Variants in DNAJB4 observed in about 807,000 individuals in gnomAD.
The protein encoded by DNAJB4 is dnaJ homolog subfamily B member 4.
In DNAJB4, 10 loss-of-function variants were observed where a neutral mutation model predicts 26.6. The ratio of observed to expected loss-of-function variants is 0.38; its 90% CI spans 0.23 to 0.64. The LOEUF (loss-of-function observed/expected upper bound fraction) is 0.64, where lower values mean the gene tolerates loss of function less well. Among genes scored for constraint, DNAJB4 ranks in the 30% least tolerant of loss-of-function variants. DNAJB4 has a pLI of 0.58. For synonymous variants in DNAJB4, 136 were observed against 134.8 expected (o/e 1.01, Z -0.06); for missense variants, 328 against 408.2 (o/e 0.80, Z 1.69).
chr1:77,994,801 G>A (rs570514972), intron 1 of DNAJB4, among the ~76,000 whole-genome samples: 1 of 152,166 alleles, frequency 6.6e-6, no homozygotes, highest in East Asian at 1.9e-4. Context: ...TACCTTAAGT[G>A]TAAAGTATTA....
At chr1:78,010,394 T>A (rs1457628475) in intron 1 of DNAJB4, among the ~76,000 whole-genome samples, 1 of 152,006 alleles carries the variant, frequency 6.6e-6, no homozygotes, top group Admixed American at 6.6e-5. Context: ...AAAAAAAAAA[T>A]CTGCCATTAC....
upstream of DNAJB4, chr1:78,004,319 T>G (rs905558152): frequency 6.6e-5 from 10 of 152,250 alleles, no homozygotes; most frequent in African/African-American, 2.4e-4. Flanking sequence ...TAGAAATAAC[T>G]AGTTAGCTAA....
In DNAJB4 at chr1:78,016,022, T is replaced by A. The variant is rs1660632367; in HGVS notation, c.789T>A (p.Cys263Ter). Residue 263 changes from cysteine (C) to a stop codon, truncating the protein, a stop_gained, in exon 3 of 3, where the codon TGT becomes TGA. Transcript: ENST00000370763. LOFTEE classifies it high-confidence loss of function. ...TAKISLREAL[C>*]GCSINVPTLD... The stretch of plus-strand genomic sequence containing the variant: ...TATTTGGTCCATTTTAGGCATTGTG[T>A]GGCTGCTCAATTAATGTACCAACAC... 6.2e-7 allele frequency: 1 copy of A among 1,613,640 alleles called. No individual in the cohort carries two copies. Among genetic ancestry groups the A allele is most frequent in the Non-Finnish European group, 8.5e-7 (1 of 1,179,822 alleles).
rs1167032166 is a variant in DNAJB4 at position 78,017,709 on chromosome 1, A to T, written c.*1462A>T. 1 of 151,398 alleles carries T rather than the reference A, an allele frequency of 6.6e-6. No individual in the cohort carries two copies. The highest frequency in any genetic ancestry group is 1.5e-5 in the Non-Finnish European group (1 of 67,938). 9.4% of individuals were successfully genotyped at this position (151,398 alleles called of 1,614,324 possible). On this transcript the variant is annotated 3_prime_UTR_variant, in exon 3 of 3. Transcript: ENST00000370763. Reference sequence around the variant, plus strand: ...CTGAAAACACTACCATCTACTTTTCATCTGTATGGATTTGTCTGTTCTGGA... The same window carrying T: ...CTGAAAACACTACCATCTACTTTTCTTCTGTATGGATTTGTCTGTTCTGGA...
chr1:78,011,587 C>T (rs574600933), intron 1 of DNAJB4, among the ~76,000 whole-genome samples: 55 of 151,192 alleles, frequency 3.6e-4, no homozygotes, highest in African/African-American at 1.2e-3. Context: ...CAGGTTCAAG[C>T]GATTCTCCTG....
Position 78,005,183 on chromosome 1 carries a change from C to T in DNAJB4, c.73C>T (p.Arg25Ter), listed in dbSNP as rs1171811732. The T allele has an allele frequency of 3.7e-6, 6 of 1,613,998 alleles. No homozygotes were observed. The highest frequency in any genetic ancestry group is 5.1e-6 in the Non-Finnish European group (6 of 1,179,974). ...AGATGAAGATATTAAAAAGGCTTAC[C>T]GAAAACAAGCCCTCAAATTTCATCC... ...ASDEDIKKAYRKQALKFHPDK... is the reference protein window; with the variant it reads ...ASDEDIKKAY Residue 25 changes from arginine to a stop codon, truncating the protein, a stop_gained, in exon 1 of 3, where the codon CGA (arginine) becomes TGA (stop). Coordinates refer to ENST00000370763, the MANE Select transcript of DNAJB4 (RefSeq NM_007034.5). LOFTEE classifies it high-confidence loss of function.
In DNAJB4 at chr1:78,016,265, C is replaced by T; in HGVS notation, c.*18C>T. 1 of 1,597,478 alleles carries T rather than the reference C, an allele frequency of 6.3e-7. No homozygotes were observed. Among genetic ancestry groups the T allele is most frequent in the South Asian group, 1.1e-5 (1 of 89,898 alleles). ...CCTCATAGAATGAAGAACTTTGTTA[C>T]ACATATTTTGATAAGGCACTGAAAA... On this transcript the variant is annotated 3_prime_UTR_variant, in exon 3 of 3. Coordinates refer to ENST00000370763, the MANE Select transcript of DNAJB4 (RefSeq NM_007034.5).
Position 78,016,723 on chromosome 1 carries a change from G to A in DNAJB4, c.*476G>A, listed in dbSNP as rs1035291163. ...AATCACCTTCTGAAATGCTGCTATA[G>A]GGCTGGTATCTGTAAAAGAATATCC... On this transcript the variant is annotated 3_prime_UTR_variant, in exon 3 of 3. Coordinates refer to ENST00000370763, the MANE Select transcript of DNAJB4 (RefSeq NM_007034.5). The A allele has an allele frequency of 1.3e-5, 2 of 154,764 alleles. No individual in the cohort carries two copies. Among genetic ancestry groups the A allele is most frequent in the African/African-American group, 4.8e-5 (2 of 41,450 alleles). 9.6% of individuals were successfully genotyped at this position (154,764 alleles called of 1,614,324 possible). A position where few individuals can be genotyped will look rare whatever the true frequency, so the allele number is the denominator to read the frequency against.
chr1:78,014,271 C>A (rs1660575655), intron 2 of DNAJB4, among the ~76,000 whole-genome samples: 1 of 151,964 alleles, frequency 6.6e-6, no homozygotes, highest in Non-Finnish European at 1.5e-5. Flanking sequence ...CCACACCTGG[C>A]TAATTTTTGT....
At chr1:78,007,513 A>G (rs972725902) in intron 1 of DNAJB4, among the ~76,000 whole-genome samples, 1 of 152,156 alleles carries the variant, frequency 6.6e-6, no homozygotes, top group Admixed American at 6.5e-5. Flanking sequence ...CCCAAGAGGC[A>G]GAGGTTGCAG....
At chr1:77,999,431 T>TG (rs1660139861) in intron 1 of DNAJB4, among the ~76,000 whole-genome samples, 1 of 82,272 alleles carries the variant, frequency 1.2e-5, no homozygotes, top group Admixed American at 1.4e-4. Flanking sequence ...ATAGAACAGG[T>TG]TTTTTTTTTT....
Position 77,991,717 on chromosome 1 carries a change from C to CT in DNAJB4, c.-32+11404dup, listed in dbSNP as rs943958083. On this transcript the variant is annotated intron_variant, in intron 1 of 2. Transcript: ENST00000426517. ...AGTGCCACATTTTTGTATTTTTGTG[C>CT]TTTTTTTTTATTGGTGACTTTACTA... is the stretch of plus-strand genomic sequence containing the variant. Among the ~76,000 whole-genome samples, 116 of 151,288 alleles carry CT rather than the reference C, an allele frequency of 7.7e-4. 1 individual carries two copies. Among genetic ancestry groups the CT allele is most frequent in the South Asian group, 1.3e-3 (6 of 4,778 alleles).
intron 1 of DNAJB4, among the ~76,000 whole-genome samples, chr1:78,008,890 G>A (rs1302118390): frequency 2.6e-5 from 4 of 152,070 alleles, no homozygotes; most frequent in African/African-American, 9.7e-5. Context: ...AAAAATTTGT[G>A]TTAAGAGATT....
At chr1:77,988,977 T>C (rs1216406641) in intron 1 of DNAJB4, among the ~76,000 whole-genome samples, 2 of 152,198 alleles carry the variant, frequency 1.3e-5, no homozygotes, top group Non-Finnish European at 2.9e-5. Flanking sequence ...AGTAATTGTT[T>C]GTTTCTGATC....
chr1:78,007,154 C>A (rs1348030800), intron 1 of DNAJB4, among the ~76,000 whole-genome samples: 1 of 151,352 alleles, frequency 6.6e-6, no homozygotes, highest in Non-Finnish European at 1.5e-5. Context: ...AATCTGTATA[C>A]CCTGGGTTTT....
intron 1 of DNAJB4, among the ~76,000 whole-genome samples, chr1:77,982,895 A>G (rs372039142): frequency 1.3e-5 from 2 of 152,254 alleles, no homozygotes; most frequent in Non-Finnish European, 2.9e-5. Flanking sequence ...TCCTGGGTTA[A>G]TGTAGGGGTG....
At chr1:77,990,628 T>C (rs916997726) in intron 1 of DNAJB4, among the ~76,000 whole-genome samples, 3 of 152,248 alleles carry the variant, frequency 2.0e-5, no homozygotes, top group Admixed American at 6.5e-5. Context: ...ATGTTCACAG[T>C]AGAACTTGTC....
rs1412609818 is a variant in DNAJB4, at chr1:78,016,271, T to C, written c.*24T>C. 8 of 1,587,690 alleles carry C rather than the reference T, an allele frequency of 5.0e-6. No homozygotes were observed. Among genetic ancestry groups the C allele is most frequent in the Non-Finnish European group, 6.9e-6 (8 of 1,159,026 alleles). ...AGAATGAAGAACTTTGTTACACATA[T>C]TTTGATAAGGCACTGAAAATATAAA... On this transcript the variant is annotated 3_prime_UTR_variant, in exon 3 of 3. Coordinates refer to ENST00000370763, the MANE Select transcript of DNAJB4 (RefSeq NM_007034.5).
intron 2 of DNAJB4, among the ~76,000 whole-genome samples, chr1:78,014,966 C>A (rs535339563): frequency 6.6e-6 from 1 of 152,134 alleles, no homozygotes; most frequent in Non-Finnish European, 1.5e-5. Context: ...GTTTCTTACC[C>A]TGCTCTAATA....
Sources: allele counts gnomAD v4.1 joint callset (sites outside exome capture counted in the v4.1 genomes callset), GRCh38; gene constraint gnomAD v4.1.1; transcripts MANE v1.5; gene names NCBI Gene and HGNC (gene_info 2026-07-23, HGNC 2026-07-21).